The following ATG7 variants were observed in gnomAD, a reference collection of about 807,000 sequenced individuals.
ATG7 encodes autophagy related 7.
ATG7 carries 70 observed loss-of-function variants against 82.4 expected under a neutral mutation model. The ratio of observed to expected loss-of-function variants is 0.85; its 90% CI spans 0.70 to 1.04. The LOEUF is 1.04. ATG7 is among the 50% of genes least tolerant of loss of function. The probability of loss-of-function intolerance (pLI) is 0.00; values close to 1 mark genes in which losing one functional copy is unlikely to be tolerated. For missense variants in ATG7, 792 were observed against 864.3 expected (o/e 0.92, Z 1.05); for synonymous variants, 287 against 313.0 (o/e 0.92, Z 0.88).
intron 14 of ATG7, among the ~76,000 whole-genome samples, chr3:11,355,498 A>G (rs1411882164): frequency 6.6e-6 from 1 of 152,246 alleles, no homozygotes; most frequent in East Asian, 1.9e-4. Context: ...CGCAAGATGA[A>G]CAACTCCTAC....
chr3:11,411,072 CTTT>C (rs1023072534), intron 19 of ATG7, among the ~76,000 whole-genome samples: 1 of 152,088 alleles, frequency 6.6e-6, no homozygotes, highest in Non-Finnish European at 1.5e-5. Flanking sequence ...ATGTAGAAGT[CTTT>C]TTTTATCGTC....
At chr3:11,538,695 AAAAAAAAAAAAT>A (rs1212587290) in intron 20 of ATG7, among the ~76,000 whole-genome samples, 2 of 142,110 alleles carry the variant, frequency 1.4e-5, no homozygotes, top group African/African-American at 5.4e-5. Flanking sequence ...AAAAAAAAAA[AAAAAAAAAAAAT>A]TAGCCAAAAA....
chr3:11,455,100 TAG>T (rs2152990595), intron 20 of ATG7, among the ~76,000 whole-genome samples: 1 of 152,332 alleles, frequency 6.6e-6, no homozygotes, highest in Admixed American at 6.5e-5. Context: ...ACTATACAGA[TAG>T]AGTCACACAT....
At chr3:11,564,985 G>T in the ATG7 span, 11 of 1,526,906 alleles carry the variant, frequency 7.2e-6, no homozygotes, top group Admixed American at 2.2e-5. Flanking sequence ...CGCTCCCGGG[G>T]GTCTCTGCGG....
intron 20 of ATG7, among the ~76,000 whole-genome samples, chr3:11,456,273 A>G (rs1282405218): frequency 6.6e-6 from 1 of 152,192 alleles, no homozygotes; most frequent in Admixed American, 6.5e-5. Flanking sequence ...CTTCCACTTA[A>G]CATGCTTTCA....
intron 20 of ATG7, among the ~76,000 whole-genome samples, chr3:11,467,467 C>T (rs528344630): frequency 6.6e-6 from 1 of 152,292 alleles, no homozygotes; most frequent in South Asian, 2.1e-4. Flanking sequence ...ACCTCCGCCC[C>T]CCAGCTTCAA....
intron 9 of ATG7, among the ~76,000 whole-genome samples, chr3:11,323,615 T>C (rs1165949180): frequency 6.6e-6 from 1 of 152,242 alleles, no homozygotes; most frequent in Non-Finnish European, 1.5e-5. Context: ...TTCTACTTCA[T>C]TCAGAGCAGT....
intron 7 of ATG7, among the ~76,000 whole-genome samples, chr3:11,309,456 T>TG (rs1003821362): frequency 2.0e-5 from 3 of 149,860 alleles, no homozygotes; most frequent in Admixed American, 6.6e-5. Flanking sequence ...TGTTGATTTT[T>TG]TTTTTTTGTT....
At chr3:11,385,901 C>T (rs527701028) in intron 19 of ATG7, among the ~76,000 whole-genome samples, 18 of 152,258 alleles carry the variant, frequency 1.2e-4, no homozygotes, top group Admixed American at 9.8e-4. Context: ...TTTGTGAGTG[C>T]CGTTTTAATT....
chr3:11,284,776 C>G (rs1943668778), intron 3 of ATG7, among the ~76,000 whole-genome samples: 1 of 150,618 alleles, frequency 6.6e-6, no homozygotes, highest in Non-Finnish European at 1.5e-5. Flanking sequence ...GTGGTCTTGT[C>G]TGGGCTCAAG....
At position 11,504,902 on chromosome 3, in the gene ATG7, A is replaced by G. The variant is rs2091600716; in HGVS notation, c.2080-49909A>G. Among the ~76,000 whole-genome samples the G allele has an allele frequency of 2.0e-5, 3 of 152,230 alleles. No homozygotes were observed. The South Asian group carries it at 6.2e-4, about 31-fold the overall frequency. The stretch of plus-strand genomic sequence containing the variant: ...GAAATGGTGGAAAGATAGGGAGGCA[A>G]GAGTTTGCCATGACAGGGGTAAGGG... On this transcript the variant is annotated intron_variant, in intron 20 of 20. Transcript: ENST00000693202.
At chr3:11,342,603 A>G (rs184568165) in intron 13 of ATG7, among the ~76,000 whole-genome samples, 27 of 152,238 alleles carry the variant, frequency 1.8e-4, no homozygotes, top group Admixed American at 1.8e-3. Flanking sequence ...ATTTATTTGT[A>G]TTTATAAAGA....
intron 7 of ATG7, among the ~76,000 whole-genome samples, chr3:11,309,827 A>G (rs1948376261): frequency 6.6e-6 from 1 of 152,290 alleles, no homozygotes; most frequent in Middle Eastern, 3.4e-3. Flanking sequence ...TGTCAAATGT[A>G]TGTTTCATAG....
chr3:11,278,162 A>G (rs1054323275), intron 1 of ATG7, among the ~76,000 whole-genome samples: 14 of 152,148 alleles, frequency 9.2e-5, no homozygotes, highest in South Asian at 2.1e-4. Flanking sequence ...TTTACAATCA[A>G]TTTGTACAGT....
the ATG7 span, among the ~76,000 whole-genome samples, chr3:11,569,888 A>AT: frequency 6.6e-6 from 1 of 152,202 alleles, no homozygotes; most frequent in Admixed American, 6.5e-5. Context: ...CTTTAAATAA[A>AT]TAAGATTGCT....
chr3:11,371,275 C>T lies in ATG7; in HGVS notation c.1875+6541C>T, dbSNP rs12498034. Among the ~76,000 whole-genome samples, 958 of 150,976 alleles carry T rather than the reference C, an allele frequency of 6.3e-3. 46 individuals are homozygous for T. The highest frequency in any genetic ancestry group is 0.022 in the African/African-American group (909 of 40,926). ...AGAAGTAAGTGCTTTAGCAGGGGGA[C>T]GTAGAACAGGCAGAAACAATGGCTG... On this transcript the variant is annotated intron_variant, in intron 18 of 20. Transcript: ENST00000693202.
At chr3:11,299,579 G>A (rs918414996) in intron 5 of ATG7, among the ~76,000 whole-genome samples, 163 bp downstream of exon 5, 2 of 152,156 alleles carry the variant, frequency 1.3e-5, no homozygotes, top group Non-Finnish European at 2.9e-5. Flanking sequence ...ATAGAGATGA[G>A]TGCTGGATAC....
At chr3:11,336,995 C>T (rs148866668) in intron 11 of ATG7, among the ~76,000 whole-genome samples, 15 of 152,254 alleles carry the variant, frequency 9.9e-5, no homozygotes, top group African/African-American at 3.6e-4. Context: ...TTTAAATATC[C>T]TATGTCTTCT....
At chr3:11,435,538 A>G (rs2083292815) in intron 20 of ATG7, among the ~76,000 whole-genome samples, 1 of 152,168 alleles carries the variant, frequency 6.6e-6, no homozygotes, top group African/African-American at 2.4e-5. Flanking sequence ...ATAATCAGCC[A>G]TATTACATTA....
Sources: allele counts gnomAD v4.1 joint callset (sites outside exome capture counted in the v4.1 genomes callset), GRCh38; gene constraint gnomAD v4.1.1; transcripts MANE v1.5; gene names NCBI Gene and HGNC (gene_info 2026-07-23, HGNC 2026-07-21).